KHDRBS2: variants seen among roughly 807,000 people sequenced by gnomAD.
KHDRBS2 encodes the protein KH domain-containing, RNA-binding, signal transduction-associated protein 2.
A neutral mutation model predicts 44.3 loss-of-function variants in KHDRBS2; 26 were observed. The observed-to-expected ratio is 0.59, with a 90% CI of 0.43 to 0.81. The LOEUF (loss-of-function observed/expected upper bound fraction) is 0.81. KHDRBS2 is among the 40% of genes least tolerant of loss of function. The probability of loss-of-function intolerance (pLI) is 0.00; values close to 1 mark genes in which losing one functional copy is unlikely to be tolerated. For synonymous variants in KHDRBS2, 194 were observed against 151.1 expected, an observed-to-expected ratio of 1.28 and a Z score of -2.08; for missense variants, 476 against 433.1, an observed-to-expected ratio of 1.10 and a Z score of -0.88.
At chr6:62,283,110 G>A (rs1370046944) in intron 1 of KHDRBS2, among the ~76,000 whole-genome samples, 1 of 152,124 alleles carries the variant, frequency 6.6e-6, no homozygotes, top group Non-Finnish European at 1.5e-5. Context: ...ACCATAACAA[G>A]TGGATAACTA....
chr6:61,935,067 T>A (rs1202615663), intron 4 of KHDRBS2, among the ~76,000 whole-genome samples: 2 of 152,180 alleles, frequency 1.3e-5, no homozygotes, highest in Non-Finnish European at 2.9e-5. Context: ...GAATTGTGGA[T>A]GAAGGGGAGT....
At chr6:61,884,921 T>C (rs1800722876) in intron 6 of KHDRBS2, among the ~76,000 whole-genome samples, 1 of 152,096 alleles carries the variant, frequency 6.6e-6, no homozygotes, top group Non-Finnish European at 1.5e-5. Context: ...GCAAAGTTTG[T>C]GGGGCCTCAA....
At chr6:61,730,061 T>A (rs1236427685) in intron 7 of KHDRBS2, among the ~76,000 whole-genome samples, 1 of 152,170 alleles carries the variant, frequency 6.6e-6, no homozygotes, top group Non-Finnish European at 1.5e-5. Context: ...ATTAAAAAAT[T>A]ATTTTTCACA....
intron 2 of KHDRBS2, among the ~76,000 whole-genome samples, chr6:62,170,661 G>A (rs1031089237): frequency 6.6e-6 from 1 of 152,018 alleles, no homozygotes; most frequent in South Asian, 2.1e-4. Context: ...AACAACCATG[G>A]ATCCCACTGC....
chr6:61,955,827 A>G (rs1761746), intron 4 of KHDRBS2, among the ~76,000 whole-genome samples: 3 of 152,070 alleles, frequency 2.0e-5, no homozygotes, highest in African/African-American at 7.2e-5. Context: ...ATGCTCAGAA[A>G]GATCCTATGA....
intron 1 of KHDRBS2, among the ~76,000 whole-genome samples, chr6:62,187,914 CA>C (rs1293077761): frequency 5.3e-5 from 8 of 152,148 alleles, no homozygotes; most frequent in Admixed American, 1.3e-4. Flanking sequence ...TCATGATTGT[CA>C]GCAGTAGGAA....
At chr6:62,161,943 C>T (rs1817746003) in intron 2 of KHDRBS2, among the ~76,000 whole-genome samples, 1 of 151,948 alleles carries the variant, frequency 6.6e-6, no homozygotes, top group African/African-American at 2.4e-5. Context: ...GTTGATGTCA[C>T]AAAATTACAT....
intron 4 of KHDRBS2, among the ~76,000 whole-genome samples, chr6:61,954,086 G>T (rs1331103535): frequency 6.6e-6 from 1 of 152,130 alleles, no homozygotes; most frequent in Non-Finnish European, 1.5e-5. Context: ...TTCTGGCAGA[G>T]GGAGGCTCCA....
chr6:62,276,408 A>C (rs1157282595), intron 1 of KHDRBS2, among the ~76,000 whole-genome samples: 2 of 152,234 alleles, frequency 1.3e-5, no homozygotes, highest in Admixed American at 6.5e-5. Context: ...CTTCTAGAAG[A>C]ATTCAGCAAA....
chr6:62,042,078 C>A (rs149412951), intron 3 of KHDRBS2, among the ~76,000 whole-genome samples: 3 of 151,970 alleles, frequency 2.0e-5, no homozygotes, highest in African/African-American at 7.2e-5. Context: ...ATTGGTTAAA[C>A]GTTGCAACAT....
chr6:61,961,112 C>T (rs554706956), intron 4 of KHDRBS2, among the ~76,000 whole-genome samples: 8 of 151,940 alleles, frequency 5.3e-5, no homozygotes, highest in Non-Finnish European at 1.2e-4. Flanking sequence ...TTATGAGATC[C>T]CAAGAAAGTG....
chr6:61,724,308 T>C (rs1027292884), intron 7 of KHDRBS2, among the ~76,000 whole-genome samples: 3 of 152,062 alleles, frequency 2.0e-5, no homozygotes, highest in African/African-American at 7.2e-5. Context: ...CAAGAGCTTC[T>C]TAAAAATAGA....
the KHDRBS2 span, among the ~76,000 whole-genome samples, chr6:61,557,291 T>C: frequency 6.6e-6 from 1 of 152,184 alleles, no homozygotes; most frequent in African/African-American, 2.4e-5. Flanking sequence ...TTAATCACAG[T>C]ATAATAGCAT....
chr6:61,984,655 T>A (rs1774675678), intron 3 of KHDRBS2, among the ~76,000 whole-genome samples: 1 of 152,162 alleles, frequency 6.6e-6, no homozygotes, highest in Non-Finnish European at 1.5e-5. Flanking sequence ...AAAACTTCCC[T>A]TCCCTAAAGT....
chr6:61,983,200 T>TTCTTTTCTTTC (rs1774249468), intron 3 of KHDRBS2, among the ~76,000 whole-genome samples: 2 of 45,988 alleles, frequency 4.3e-5, no homozygotes, highest in Non-Finnish European at 7.6e-5. Context: ...GTTTTTTTCA[T>TTCTTTTCTTTC]TTTCTTTCTT....
the KHDRBS2 span, among the ~76,000 whole-genome samples, chr6:61,656,972 T>C: frequency 6.6e-6 from 1 of 151,964 alleles, no homozygotes; most frequent in African/African-American, 2.4e-5. Context: ...TGTTTTCTCC[T>C]GAGGAAAAAC....
chr6:62,234,997 T>G (rs773084150), intron 1 of KHDRBS2, among the ~76,000 whole-genome samples: 2 of 148,748 alleles, frequency 1.3e-5, no homozygotes, highest in Admixed American at 6.8e-5. Flanking sequence ...AAAAAATGAA[T>G]AAAAATTCCC....
chr6:61,894,955 C>CTG (rs1294021654), intron 5 of KHDRBS2, 122 bp from the exon 6 acceptor site: 493 of 634,682 alleles, frequency 7.8e-4, no homozygotes, highest in South Asian at 1.0e-3. Flanking sequence ...CTCTCTCTCT[C>CTG]TCTGTGTGTG....
intron 6 of KHDRBS2, among the ~76,000 whole-genome samples, chr6:61,768,503 T>A (rs1780339718): frequency 6.6e-6 from 1 of 152,190 alleles, no homozygotes; most frequent in Non-Finnish European, 1.5e-5. Context: ...TTTGCATTTT[T>A]GTGGCTATTT....
Sources: allele counts gnomAD v4.1 joint callset (sites outside exome capture counted in the v4.1 genomes callset), GRCh38; gene constraint gnomAD v4.1.1; transcripts MANE v1.5; gene names NCBI Gene and HGNC (gene_info 2026-07-23, HGNC 2026-07-21).